The following ZNF415 variants were observed in gnomAD, a reference collection of about 807,000 sequenced individuals.
ZNF415 encodes the protein zinc finger protein 415.
In ZNF415, 5 loss-of-function variants were observed where a neutral mutation model predicts 7.3. The observed-to-expected ratio is 0.69, with a 90% CI of 0.36 to 1.44. ZNF415 has a LOEUF of 1.44. Ranked by LOEUF, ZNF415 falls within the 40% of genes most tolerant of loss-of-function variation. ZNF415 has a pLI of 0.04. For missense variants in ZNF415, 628 were observed against 664.8 expected (o/e 0.94, Z 0.61); for synonymous variants, 207 against 226.3 (o/e 0.91, Z 0.77).
chr19:53,129,758 A>T (rs1183628047), intron 1 of ZNF415: 2 of 394,788 alleles, frequency 5.1e-6, no homozygotes, highest in Non-Finnish European at 8.9e-6. Context: ...CCTTTATCAC[A>T]TCTCCCTTAG....
intron 2 of ZNF415, among the ~76,000 whole-genome samples, chr19:53,117,490 A>G (rs2087257862): frequency 6.6e-6 from 1 of 151,986 alleles, no homozygotes; most frequent in Non-Finnish European, 1.5e-5. Context: ...CAGCAAGAGA[A>G]AAGCATCTAG....
intron 1 of ZNF415, among the ~76,000 whole-genome samples, chr19:53,131,255 C>G (rs1038083426): frequency 6.6e-6 from 1 of 151,916 alleles, no homozygotes; most frequent in African/African-American, 2.4e-5. Flanking sequence ...CTCCCACTCC[C>G]CCTTCCCCTC....
At chr19:53,122,434 C>T (rs1014626825) in intron 2 of ZNF415, 5 of 1,538,516 alleles carry the variant, frequency 3.2e-6, no homozygotes, top group Non-Finnish European at 4.4e-6. Context: ...GGTGTGAGCC[C>T]TTCCCAGGAC....
Position 53,108,713 on chromosome 19 carries a change from C to T in ZNF415, c.1332G>A (p.Glu444=). 9 of 1,614,176 alleles carry T rather than the reference C, an allele frequency of 5.6e-6. No homozygotes were observed. The highest frequency in any genetic ancestry group is 1.6e-4 in the Middle Eastern group (1 of 6,062). ...AATGCACACTAAAGGCTTTCCCACA[C>T]TCATTACACTTGTAAGGTTTCTCTC... ...HTGEKPYKCN[E]CGKAFSVHSN... The change falls in exon 4 of 4, where the codon GAG becomes GAA. Residue 444 remains glutamate (E), a synonymous_variant. Coordinates refer to ENST00000243643, the MANE Select transcript of ZNF415 (RefSeq NM_018355.4).
intron 1 of ZNF415, among the ~76,000 whole-genome samples, 166 bp from the exon 2 acceptor site, chr19:53,122,909 C>G (rs1023796573): frequency 6.6e-6 from 1 of 152,112 alleles, no homozygotes. Context: ...ACAGGAAAAC[C>G]AATACATGAG....
intron 2 of ZNF415, among the ~76,000 whole-genome samples, chr19:53,117,383 G>A (rs1370297240): frequency 6.6e-6 from 1 of 151,506 alleles, no homozygotes; most frequent in Non-Finnish European, 1.5e-5. Context: ...GGAGGTTGCG[G>A]TGAGCCGAGA....
At position 53,108,405 on chromosome 19, in the gene ZNF415, G is replaced by A; in HGVS notation, c.1640C>T (p.Thr547Ile). 2 of 1,613,738 alleles carry A rather than the reference G, an allele frequency of 1.2e-6. No individual in the cohort carries two copies. Among genetic ancestry groups the A allele is most frequent in the Non-Finnish European group, 1.7e-6 (2 of 1,179,838 alleles). Residue 547 changes from threonine (T) to isoleucine (I), a missense_variant, in exon 4 of 4, where the codon ACT (threonine) becomes ATT (isoleucine). Coordinates refer to ENST00000243643, the MANE Select transcript of ZNF415 (RefSeq NM_018355.4). ...ATTTCTTTTATAAGGTTTCTCCTTAGTATGGATAATTTGATGTCTGAAGAG... is the reference window on the plus strand; with the variant it reads ...ATTTCTTTTATAAGGTTTCTCCTTAATATGGATAATTTGATGTCTGAAGAG... ...PNLFRHQIIHTKEKPYKRN is the reference protein window; with the variant it reads ...PNLFRHQIIHIKEKPYKRN
chr19:53,122,753 A>G lies in ZNF415; in HGVS notation c.-67-10T>C. 6.3e-7 allele frequency: 1 copy of G among 1,595,972 alleles called. No individual in the cohort carries two copies. The highest frequency in any genetic ancestry group is 8.6e-7 in the Non-Finnish European group (1 of 1,164,474). ...TCTTTGGAAGTCAATGCTGAATAACAACAACAAGTGCTGTTTATTGCTTAG... is the reference window on the plus strand; with the variant it reads ...TCTTTGGAAGTCAATGCTGAATAACGACAACAAGTGCTGTTTATTGCTTAG... On this transcript the variant is annotated splice_polypyrimidine_tract_variant and intron_variant, in intron 1 of 3. Transcript: ENST00000243643.
At chr19:53,118,914 G>A (rs1453820758) in intron 2 of ZNF415, among the ~76,000 whole-genome samples, 1 of 151,512 alleles carries the variant, frequency 6.6e-6, no homozygotes, top group African/African-American at 2.4e-5. Flanking sequence ...GGAGGCCAAG[G>A]TGGGTGGATC....
chr19:53,111,771 T>C (rs2086278065), intron 3 of ZNF415, among the ~76,000 whole-genome samples: 1 of 152,190 alleles, frequency 6.6e-6, no homozygotes, highest in Non-Finnish European at 1.5e-5. Context: ...AGACATGCAA[T>C]ATTCCAAGTA....
At chr19:53,122,579 A>G in intron 2 of ZNF415, 83 bp downstream of exon 2, 1 of 1,608,492 alleles carries the variant, frequency 6.2e-7, no homozygotes, top group South Asian at 1.1e-5. Context: ...TCAGACTCAG[A>G]GAAGATTTGC....
chr19:53,109,446 G>A lies in ZNF415; in HGVS notation c.599C>T (p.Ser200Phe), dbSNP rs1374334092. ...SNKYGTDFIC[S>F]SLLTQEQKSC... ...TTTCTGTTCTTGTGTGAGTAATGAA[G>A]AACAGATGAAATCAGTCCCATATTT... The change falls in exon 4 of 4, where the codon TCT (serine) becomes TTT (phenylalanine). Residue 200 changes from serine to phenylalanine, a missense_variant. By Grantham distance (155) the Ser-to-Phe change is radical. Transcript: ENST00000243643. 7 of 1,613,942 alleles carry A rather than the reference G, an allele frequency of 4.3e-6. No individual in the cohort carries two copies. The highest frequency in any genetic ancestry group is 3.3e-5 in the Admixed American group (2 of 59,994).
chr19:53,121,848 G>A (rs549457318), intron 2 of ZNF415, among the ~76,000 whole-genome samples: 32 of 152,286 alleles, frequency 2.1e-4, no homozygotes, highest in African/African-American at 7.0e-4. Context: ...TGGAGTCAGA[G>A]ACATACTGAT....
At chr19:53,126,781 A>AG (rs1361800188) in intron 1 of ZNF415, among the ~76,000 whole-genome samples, 4 of 108,078 alleles carry the variant, frequency 3.7e-5, no homozygotes, top group Admixed American at 1.1e-4. Flanking sequence ...TCCTGAGCGG[A>AG]GGGGCACCCT....
chr19:53,127,524 C>A (rs567950963), intron 1 of ZNF415, among the ~76,000 whole-genome samples: 1 of 152,148 alleles, frequency 6.6e-6, no homozygotes, highest in Non-Finnish European at 1.5e-5. Context: ...CCAATGAGAT[C>A]CTAATATCTT....
chr19:53,122,565 T>C (rs913286378), intron 2 of ZNF415, 97 bp downstream of exon 2: 1 of 1,605,452 alleles, frequency 6.2e-7, no homozygotes, highest in African/African-American at 1.3e-5. Flanking sequence ...TCAGGCAGGA[T>C]GCTTCAGACT....
intron 1 of ZNF415, among the ~76,000 whole-genome samples, chr19:53,125,932 T>A (rs2089001633): frequency 6.7e-6 from 1 of 149,458 alleles, no homozygotes; most frequent in Admixed American, 6.7e-5. Flanking sequence ...TGAGACTCCA[T>A]CTCAAAAAAT....
chr19:53,110,403 A>G (rs2086062359), intron 3 of ZNF415, among the ~76,000 whole-genome samples: 1 of 152,224 alleles, frequency 6.6e-6, no homozygotes, highest in Non-Finnish European at 1.5e-5. Context: ...ATTGCAAAAC[A>G]GTAATAGCAC....
intron 2 of ZNF415, among the ~76,000 whole-genome samples, chr19:53,119,829 G>A (rs540878730): frequency 6.6e-6 from 1 of 152,058 alleles, no homozygotes; most frequent in Admixed American, 6.6e-5. Context: ...TCCTGGACAC[G>A]AAGCACCAAG....
Sources: allele counts gnomAD v4.1 joint callset (sites outside exome capture counted in the v4.1 genomes callset), GRCh38; gene constraint gnomAD v4.1.1; transcripts MANE v1.5; gene names NCBI Gene and HGNC (gene_info 2026-07-23, HGNC 2026-07-21).